LRRK2: variants seen among roughly 807,000 people sequenced by gnomAD.
LRRK2 encodes leucine rich repeat kinase 2.
LRRK2 carries 203 observed loss-of-function variants against 302.6 expected under a neutral mutation model. That is an observed-to-expected ratio of 0.67 (90% CI 0.60 to 0.75). The LOEUF is 0.75. Among genes scored for constraint, LRRK2 ranks in the 30% least tolerant of loss-of-function variants. LRRK2 has a pLI of 0.00. For missense variants in LRRK2, 2,830 were observed against 2,951.0 expected (o/e 0.96, Z 0.95); for synonymous variants, 1,066 against 1,031.9 (o/e 1.03, Z -0.63).
chr12:40,353,226 C>T (rs142726158), intron 44 of LRRK2, among the ~76,000 whole-genome samples: 100,947 of 132,748 alleles, frequency 0.76, 39,659 homozygotes, highest in Non-Finnish European at 0.85. Flanking sequence ...ACTTCTCAGA[C>T]GGGGCAGCTG....
At chr12:40,366,563 A>G (rs1220281780) in intron 49 of LRRK2, 1 of 164,020 alleles carries the variant, frequency 6.1e-6, no homozygotes, top group Non-Finnish European at 1.3e-5. Context: ...TTAGTGAATG[A>G]TTTGAAAAGA....
chr12:40,339,474 G>T (rs1007823083), intron 40 of LRRK2, among the ~76,000 whole-genome samples: 2 of 152,028 alleles, frequency 1.3e-5, no homozygotes, highest in African/African-American at 2.4e-5. Context: ...ACTTTACACT[G>T]TTTTTTTATA....
chr12:40,225,707 T>C (rs1940838935), intron 2 of LRRK2, 67 bp downstream of exon 2: 1 of 1,380,322 alleles, frequency 7.2e-7, no homozygotes, highest in South Asian at 1.2e-5. Context: ...TTACTGGCAA[T>C]GTTAATATAG....
At chr12:40,305,672 T>A in intron 27 of LRRK2, 113 bp from the exon 28 acceptor site, 2 of 903,056 alleles carry the variant, frequency 2.2e-6, no homozygotes, top group East Asian at 4.9e-5. Flanking sequence ...GTTGAAAGGT[T>A]GTGCAAGCTG....
At chr12:40,264,726 A>G (rs1314715706) in intron 14 of LRRK2, among the ~76,000 whole-genome samples, 1 of 152,248 alleles carries the variant, frequency 6.6e-6, no homozygotes, top group Admixed American at 6.5e-5. Flanking sequence ...GATTTGGTAT[A>G]CATTGTTTCC....
At chr12:40,237,659 C>T (rs181618660) in intron 4 of LRRK2, among the ~76,000 whole-genome samples, 1 of 152,198 alleles carries the variant, frequency 6.6e-6, no homozygotes, top group African/African-American at 2.4e-5. Context: ...CAGATGTTGT[C>T]TAAGAGGCAT....
At chr12:40,244,280 A>G (rs1202462859) in intron 7 of LRRK2, among the ~76,000 whole-genome samples, 2 of 152,174 alleles carry the variant, frequency 1.3e-5, no homozygotes, top group African/African-American at 4.8e-5. Flanking sequence ...ATGTAATCAT[A>G]CTGTATGTTG....
chr12:40,229,733 A>G lies in LRRK2; in HGVS notation c.238-2541A>G, dbSNP rs1592131424. The stretch of plus-strand genomic sequence containing the variant: ...GATGGGAACCTTCTCTCTTAGAGAG[A>G]TAAGCTTTTAATTGAATAGATTAAT... On this transcript the variant is annotated intron_variant, in intron 2 of 50. Transcript: ENST00000298910. Among the ~76,000 whole-genome samples the G allele has an allele frequency of 2.0e-5, 3 of 152,194 alleles. No individual in the cohort carries two copies. The East Asian group carries it at 5.8e-4, about 29-fold the overall frequency.
At chr12:40,355,547 CTTT>C (rs112905910) in intron 45 of LRRK2, among the ~76,000 whole-genome samples, 2 of 87,374 alleles carry the variant, frequency 2.3e-5, no homozygotes, top group African/African-American at 4.4e-5. Context: ...CTTCCTTCTT[CTTT>C]TTTTTTTTTT....
At chr12:40,231,287 T>C (rs897222483) in intron 2 of LRRK2, among the ~76,000 whole-genome samples, 1 of 150,832 alleles carries the variant, frequency 6.6e-6, no homozygotes, top group Non-Finnish European at 1.5e-5. Context: ...GTGCAGAGGC[T>C]CACGCCTGTA....
intron 6 of LRRK2, among the ~76,000 whole-genome samples, chr12:40,242,550 C>T (rs986334307): frequency 1.3e-5 from 2 of 151,682 alleles, no homozygotes; most frequent in Admixed American, 6.6e-5. Context: ...TATTTTGGAG[C>T]CTTCAGGAAG....
chr12:40,315,364 G>C, intron 33 of LRRK2, 64 bp downstream of exon 33: 1 of 1,306,834 alleles, frequency 7.7e-7, no homozygotes, highest in East Asian at 2.3e-5. Context: ...ATGGCGCCCA[G>C]AGCATTGAGC....
intron 39 of LRRK2, among the ~76,000 whole-genome samples, chr12:40,330,487 A>G (rs796830677): frequency 3.9e-5 from 6 of 152,032 alleles, no homozygotes; most frequent in African/African-American, 1.2e-4. Flanking sequence ...AGTGTTCTGA[A>G]CCTTTACAAG....
At chr12:40,277,200 C>T (rs147710041) in intron 16 of LRRK2, among the ~76,000 whole-genome samples, 1 of 152,076 alleles carries the variant, frequency 6.6e-6, no homozygotes, top group African/African-American at 2.4e-5. Flanking sequence ...TTTACCCAAC[C>T]TAAATAATAC....
chr12:40,318,067 G>A (rs1423372923), intron 33 of LRRK2, among the ~76,000 whole-genome samples: 2 of 152,008 alleles, frequency 1.3e-5, no homozygotes, highest in African/African-American at 4.8e-5. Flanking sequence ...TCGTGGCACG[G>A]TGATCACAGA....
intron 30 of LRRK2, 23 bp from the exon 31 acceptor site, chr12:40,310,408 G>A: frequency 6.2e-7 from 1 of 1,608,376 alleles, no homozygotes; most frequent in Non-Finnish European, 8.5e-7. Context: ...AAACACAAGA[G>A]GGTTTTGTGT....
chr12:40,335,887 CCT>C (rs1945853618), intron 40 of LRRK2, among the ~76,000 whole-genome samples: 1 of 152,134 alleles, frequency 6.6e-6, no homozygotes, highest in Non-Finnish European at 1.5e-5. Context: ...TTCCTTTCTT[CCT>C]CTCTCATTTC....
chr12:40,243,969 G>GT (rs549952256), intron 7 of LRRK2, among the ~76,000 whole-genome samples: 75 of 152,048 alleles, frequency 4.9e-4, no homozygotes, highest in African/African-American at 1.7e-3. Context: ...CTATAGATGA[G>GT]TTTTTTTATT....
chr12:40,260,971 T>G (rs1380700899), intron 13 of LRRK2, among the ~76,000 whole-genome samples: 1 of 152,208 alleles, frequency 6.6e-6, no homozygotes, highest in Non-Finnish European at 1.5e-5. Context: ...GTATTTTGTT[T>G]CTCTGTATAA....
Sources: allele counts gnomAD v4.1 joint callset (sites outside exome capture counted in the v4.1 genomes callset), GRCh38; gene constraint gnomAD v4.1.1; transcripts MANE v1.5; gene names NCBI Gene and HGNC (gene_info 2026-07-23, HGNC 2026-07-21).